ERCC6: variants seen among roughly 807,000 people sequenced by gnomAD.
The protein encoded by ERCC6 is DNA excision repair protein ERCC-6.
In ERCC6, 116 loss-of-function variants were observed where a neutral mutation model predicts 158.7. The ratio of observed to expected loss-of-function variants is 0.73; its 90% CI spans 0.63 to 0.85. The LOEUF (loss-of-function observed/expected upper bound fraction) is 0.85. ERCC6 is among the 40% of genes least tolerant of loss of function. The pLI is 0.00. For synonymous variants in ERCC6, 678 were observed against 659.3 expected, an observed-to-expected ratio of 1.03 and a Z score of -0.43; for missense variants, 1,698 against 1,799.4, an observed-to-expected ratio of 0.94 and a Z score of 1.02.
At chr10:49,537,887 T>G (rs1193685433) in intron 1 of ERCC6, among the ~76,000 whole-genome samples, 1 of 152,216 alleles carries the variant, frequency 6.6e-6, no homozygotes, top group East Asian at 1.9e-4. Flanking sequence ...CATGCCCGGC[T>G]AATTTTTCGT....
At chr10:49,504,957 T>A (rs1172356058) in intron 6 of ERCC6, 1 of 152,114 alleles carries the variant, frequency 6.6e-6, no homozygotes, top group Non-Finnish European at 1.5e-5. Flanking sequence ...ATAAAGAGCA[T>A]GCTGTTTTTA....
At chr10:49,479,351 G>GA (rs1327233031) in intron 10 of ERCC6, among the ~76,000 whole-genome samples, 1 of 152,124 alleles carries the variant, frequency 6.6e-6, no homozygotes, top group Non-Finnish European at 1.5e-5. Context: ...AAATTAACTT[G>GA]TTAAAAAATG....
chr10:49,442,687 T>C, the ERCC6 span, among the ~76,000 whole-genome samples: 1 of 152,192 alleles, frequency 6.6e-6, no homozygotes, highest in Non-Finnish European at 1.5e-5. Context: ...TTGACCATGC[T>C]GGGGGCAGGT....
At chr10:49,529,285 T>G (rs1056531160) in intron 3 of ERCC6, among the ~76,000 whole-genome samples, 3 of 152,226 alleles carry the variant, frequency 2.0e-5, no homozygotes, top group Non-Finnish European at 4.4e-5. Flanking sequence ...TGACTTGCAA[T>G]TTGTTTTTTC....
chr10:49,515,206 GA>G (rs1234629386), intron 5 of ERCC6: 148 of 1,309,766 alleles, frequency 1.1e-4, no homozygotes, highest in African/African-American at 5.6e-4. Flanking sequence ...AATTTGAAGA[GA>G]AAAAAAAATT....
chr10:49,506,279 C>T (rs1851440815), intron 5 of ERCC6: 1 of 483,330 alleles, frequency 2.1e-6, no homozygotes, highest in African/African-American at 2.0e-5. Flanking sequence ...CTACTTGCTC[C>T]TCTTCTGGCA....
intron 20 of ERCC6, 112 bp from the exon 21 acceptor site, chr10:49,459,346 G>T: frequency 8.7e-7 from 1 of 1,149,810 alleles, no homozygotes; most frequent in Non-Finnish European, 1.3e-6. Context: ...AGGGTGGTGA[G>T]GTTGACAGGG....
At chr10:49,466,856 G>A (rs146366617) in intron 18 of ERCC6, among the ~76,000 whole-genome samples, 25 of 151,378 alleles carry the variant, frequency 1.7e-4, no homozygotes, top group Non-Finnish European at 3.0e-4. Context: ...GTGTGATCTC[G>A]GCTCACTGCA....
intron 5 of ERCC6, among the ~76,000 whole-genome samples, chr10:49,520,589 T>C (rs1357896711): frequency 1.3e-5 from 2 of 152,166 alleles, no homozygotes; most frequent in Non-Finnish European, 2.9e-5. Context: ...TGACATCTGT[T>C]TTATTATGTC....
Position 49,478,339 on chromosome 10 carries a change from C to A in ERCC6, c.2286+15G>T. 6.6e-7 allele frequency: 1 copy of A among 1,519,972 alleles called. No individual in the cohort carries two copies. The highest frequency in any genetic ancestry group is 9.1e-7 in the Non-Finnish European group (1 of 1,094,276). 94.2% of individuals were successfully genotyped at this position (1,519,972 alleles called of 1,614,324 possible). On this transcript the variant is annotated intron_variant, in intron 11 of 20. Coordinates refer to ENST00000355832, the MANE Select transcript of ERCC6 (RefSeq NM_000124.4). The stretch of plus-strand genomic sequence containing the variant: ...GTGCTTTAGGAATGCTTCGTTAACT[C>A]CTGGATTTACAGACCTGTTCATTTT...
rs763115987 is a variant in ERCC6 at position 49,501,095 on chromosome 10, CTAA to C, written c.1527-402_1527-400del. The C allele has an allele frequency of 6.4e-4, 163 of 253,116 alleles. 1 individual carries two copies. The highest frequency in any genetic ancestry group is 1.1e-3 in the Non-Finnish European group (138 of 129,642). The allele number at this position is 253,116 out of a possible 1,614,324, so 15.7% of individuals were successfully genotyped here. A position where few individuals can be genotyped will look rare whatever the true frequency, so the allele number is the denominator to read the frequency against. On this transcript the variant is annotated intron_variant, in intron 6 of 20. Transcript: ENST00000355832. The stretch of plus-strand genomic sequence containing the variant: ...TTAATTTTTCTATAAAAAAGGGGCA[CTAA>C]TGTTTATTTTTTCAATCTGAATAGC...
Position 49,476,271 on chromosome 10 carries a change from A to G in ERCC6, c.2326T>C (p.Tyr776His), listed in dbSNP as rs1323191631. 6.2e-7 allele frequency: 1 copy of G among 1,613,926 alleles called. No individual in the cohort carries two copies. Among genetic ancestry groups the G allele is most frequent in the East Asian group, 2.2e-5 (1 of 44,900 alleles). Residue 776 changes from tyrosine to histidine, a missense_variant, in exon 12 of 21, where the codon TAC (tyrosine) becomes CAC (histidine). Tyr to His is a moderately conservative substitution (Grantham distance 83). Transcript: ENST00000355832. The stretch of plus-strand genomic sequence containing the variant: ...TCTTTGGAATCAACGAAATTTTGGT[A>G]GACTTTATGCTGCTCATCTGTAAGA... ...CRLTDEQHKV[Y>H]QNFVDSKEVY...
intron 5 of ERCC6, chr10:49,515,825 G>T: frequency 6.2e-7 from 1 of 1,614,098 alleles, no homozygotes; most frequent in Admixed American, 1.7e-5. Flanking sequence ...CAAGACACAG[G>T]GGATGGATAC....
At chr10:49,475,643 G>A (rs1850864156) in intron 12 of ERCC6, 1 of 238,792 alleles carries the variant, frequency 4.2e-6, no homozygotes, top group African/African-American at 2.2e-5. Flanking sequence ...GACACTAGTA[G>A]AAAGAGAGCT....
intron 18 of ERCC6, among the ~76,000 whole-genome samples, chr10:49,466,589 C>A (rs1040091491): frequency 1.3e-5 from 2 of 152,144 alleles, no homozygotes; most frequent in African/African-American, 4.8e-5. Flanking sequence ...TGAACATAGC[C>A]GTCACCTGCA....
intron 19 of ERCC6, among the ~76,000 whole-genome samples, chr10:49,460,792 G>T (rs557153423): frequency 1.3e-5 from 2 of 152,118 alleles, no homozygotes; most frequent in South Asian, 4.2e-4. Flanking sequence ...ATGGTGGCGG[G>T]AGCCTGTAAT....
intron 6 of ERCC6, chr10:49,500,965 TCTTTTCAACATTAGAAATA>T (rs1222718995): frequency 5.0e-6 from 2 of 401,508 alleles, no homozygotes; most frequent in African/African-American, 2.0e-5. Flanking sequence ...CTATTTCCTT[TCTTTTCAACATTAGAAATA>T]GCTTGCTAAA....
At chr10:49,521,129 C>A (rs1347794241) in intron 5 of ERCC6, among the ~76,000 whole-genome samples, 1 of 152,134 alleles carries the variant, frequency 6.6e-6, no homozygotes, top group Non-Finnish European at 1.5e-5. Flanking sequence ...GAAGCCAGTC[C>A]AAGGATGCAG....
intron 5 of ERCC6, chr10:49,515,440 C>CCTGTTTGA (rs774868539): frequency 1.2e-6 from 2 of 1,614,098 alleles, no homozygotes; most frequent in South Asian, 2.2e-5. Flanking sequence ...GTTTGCTTTC[C>CCTGTTTGA]CTGTTTGACT....
Sources: gnomAD v4.1 joint callset for allele counts (sites outside exome capture counted in the v4.1 genomes callset) on GRCh38, gnomAD v4.1.1 for gene constraint, MANE v1.5 for transcripts, NCBI Gene and HGNC (gene_info 2026-07-23, HGNC 2026-07-21) for gene names.